The following GHDC variants were observed in gnomAD, a reference collection of about 807,000 sequenced individuals.
The protein encoded by GHDC is GH3 domain-containing protein.
Under a neutral mutation model 51.5 loss-of-function variants are expected in GHDC, and 39 were observed. The observed-to-expected ratio is 0.76, with a 90% CI of 0.59 to 0.99. GHDC has a LOEUF of 0.99. Among genes scored for constraint, GHDC ranks in the 50% least tolerant of loss-of-function variants. GHDC has a pLI of 0.00. For synonymous variants in GHDC, 282 were observed against 305.2 expected, an observed-to-expected ratio of 0.92 and a Z score of 0.79; for missense variants, 610 against 672.8, an observed-to-expected ratio of 0.91 and a Z score of 1.03.
intron 6 of GHDC, 27 bp downstream of exon 6, chr17:42,190,991 G>A: frequency 6.4e-7 from 1 of 1,564,432 alleles, no homozygotes; most frequent in African/African-American, 1.4e-5. Flanking sequence ...TAGGGCCCCA[G>A]GTAGCAGGGG....
In GHDC at chr17:42,192,653, A is replaced by G. The variant is rs1436726543; in HGVS notation, c.477T>C (p.Pro159=). 1.2e-6 allele frequency: 2 copies of G among 1,608,240 alleles called. No homozygotes were observed. The highest frequency in any genetic ancestry group is 1.7e-5 in the Admixed American group (1 of 59,304). Residue 159 remains proline (P), a synonymous_variant, in exon 5 of 10, where the codon CCT becomes CCC. Transcript: ENST00000587427. ...CAGGCCAAGGCAGGGGTCGGGGCCA[A>G]GGGGATGTAAGCGTCACACGGGCAG... ...GRTARVTLTS[P]WPRPLPWPGN... is the part of the protein sequence containing the mutation.
rs2079977807 is a variant in GHDC, at chr17:42,192,557, C to T, written c.573G>A (p.Arg191=). Residue 191 remains arginine (R), a synonymous_variant, in exon 5 of 10, where the codon AGG becomes AGA. Coordinates refer to ENST00000587427, the MANE Select transcript of GHDC (RefSeq NM_032484.5). The part of the protein sequence containing the change: ...DPRALLLDAL[R]SPGLRALEAG... ...CCTCCAGTGCCCTCAGCCCTGGGGA[C>T]CTCAGTGCGTCCAGCAGCAGGGCCC... The T allele has an allele frequency of 2.5e-6, 4 of 1,613,802 alleles. No individual in the cohort carries two copies. The highest frequency in any genetic ancestry group is 3.4e-6 in the Non-Finnish European group (4 of 1,180,036).
chr17:42,190,193 G>A lies in GHDC; in HGVS notation c.1366C>T (p.Arg456Ter), dbSNP rs140351409. The A allele has an allele frequency of 8.6e-5, 138 of 1,613,742 alleles. No individual in the cohort carries two copies. The African/African-American group carries it at 1.6e-3, about 19-fold the overall frequency. The change falls in exon 9 of 10, where the codon CGA (arginine) becomes TGA (stop). Residue 456 changes from arginine to a stop codon, truncating the protein, a stop_gained. Coordinates refer to ENST00000587427, the MANE Select transcript of GHDC (RefSeq NM_032484.5). LOFTEE classifies it high-confidence loss of function. ...GTCCTCGTCTCCTTTACCTTGTCTC[G>A]ATTTTCCTCTGACAGATTCCTCAGC... ...RGLRNLSEENRDKLDHCLQEA... is the reference protein window; with the variant it reads ...RGLRNLSEEN
rs764353985 is a variant in GHDC at position 42,193,398 on chromosome 17, C to T, written c.184G>A (p.Val62Met). Residue 62 changes from valine to methionine, a missense_variant, in exon 3 of 10, where the codon GTG becomes ATG. Around this residue, in one of 2 missense-constraint regions of GHDC, gnomAD observed 198 missense variants for 262.3 expected, o/e 0.75. Coordinates refer to ENST00000587427, the MANE Select transcript of GHDC (RefSeq NM_032484.5). ...AGGGCCTGCTGCTGGCTCTGGTGCA[C>T]ATGGAGCGTGCTCTGCTCCAGCCTC... ...RRRLEQSTLH[V>M]HQSQQQALRW... 6 of 1,592,158 alleles carry T rather than the reference C, an allele frequency of 3.8e-6. No individual in the cohort carries two copies. Among genetic ancestry groups the T allele is most frequent in the Non-Finnish European group, 4.3e-6 (5 of 1,169,672 alleles).
chr17:42,190,569 T>C, intron 8 of GHDC, 55 bp downstream of exon 8: 2 of 1,565,428 alleles, frequency 1.3e-6, no homozygotes, highest in Non-Finnish European at 1.7e-6. Context: ...GCAGGGGAGG[T>C]AGGAGTTGAA....
In GHDC at chr17:42,189,107, T is replaced by C. The variant is rs946547751; in HGVS notation, c.*596A>G. The C allele has an allele frequency of 2.5e-5, 10 of 398,580 alleles. No homozygotes were observed. Among genetic ancestry groups the C allele is most frequent in the Admixed American group, 4.4e-5 (1 of 22,708 alleles). 24.7% of individuals were successfully genotyped at this position (398,580 alleles called of 1,614,324 possible). A position where few individuals can be genotyped will look rare whatever the true frequency, so the allele number is the denominator to read the frequency against. Reference sequence around the variant, plus strand: ...AAGAATCTGGGTGCAAGAGGTTTATTTGGGAGCCATCCCAGGAAGCCCAAG... The same window carrying C: ...AAGAATCTGGGTGCAAGAGGTTTATCTGGGAGCCATCCCAGGAAGCCCAAG... On this transcript the variant is annotated 3_prime_UTR_variant, in exon 10 of 10. Coordinates refer to ENST00000587427, the MANE Select transcript of GHDC (RefSeq NM_032484.5).
At chr17:42,191,425 T>C (rs988275238) in intron 5 of GHDC, among the ~76,000 whole-genome samples, 2 of 151,782 alleles carry the variant, frequency 1.3e-5, no homozygotes, top group Non-Finnish European at 2.9e-5. Flanking sequence ...GGGGCAGACT[T>C]GGGAGTGAAT....
Position 42,192,386 on chromosome 17 carries a change from T to C in GHDC, c.744A>G (p.Pro248=). The change falls in exon 5 of 10, where the codon CCA becomes CCG. Residue 248 remains proline, a synonymous_variant. Transcript: ENST00000587427. ...AELREALEQG[P]RGLALRLWPK... ...GCCAGAGCCGAAGGGCCAGTCCCCGTGGCCCCTGCTCTAGGGCCTCCCGGA... is the reference window on the plus strand; with the variant it reads ...GCCAGAGCCGAAGGGCCAGTCCCCGCGGCCCCTGCTCTAGGGCCTCCCGGA... The C allele has an allele frequency of 6.2e-7, 1 of 1,612,914 alleles. No homozygotes were observed. Among genetic ancestry groups the C allele is most frequent in the Non-Finnish European group, 8.5e-7 (1 of 1,179,928 alleles).
Position 42,191,030 on chromosome 17 carries a change from G to T in GHDC, c.1070C>A (p.Ala357Asp), listed in dbSNP as rs147276919. Residue 357 changes from alanine to aspartate, a missense_variant, in exon 6 of 10, where the codon GCC (alanine) becomes GAC (aspartate). Around this residue, in one of 2 missense-constraint regions of GHDC, gnomAD observed 412 missense variants for 410.4 expected, o/e 1.00. Coordinates refer to ENST00000587427, the MANE Select transcript of GHDC (RefSeq NM_032484.5). ...TGCAGCTGATCACCTGGTGAGGCTG[G>T]CGCGGTCCGTCAGCACCAGCTCATA... ...KEYELVLTDR[A>D]SLTRCRLGDV... is the part of the protein sequence containing the mutation. 10 of 1,579,520 alleles carry T rather than the reference G, an allele frequency of 6.3e-6. No homozygotes were observed. The highest frequency in any genetic ancestry group is 8.6e-6 in the Non-Finnish European group (10 of 1,163,260).
chr17:42,190,933 G>A, intron 6 of GHDC, 30 bp from the exon 7 acceptor site: 1 of 1,592,964 alleles, frequency 6.3e-7, no homozygotes, highest in South Asian at 1.1e-5. Context: ...AGTGAGGTCG[G>A]GCCCAAGGTC....
Position 42,193,589 on chromosome 17 carries a change from C to T in GHDC, c.-8G>A. On this transcript the variant is annotated 5_prime_UTR_variant, in exon 3 of 10. Transcript: ENST00000587427. ...CAGTGGCCACAGCAGCATCTCCAAG[C>T]AGCTCCTGGGAAGAGGAAGGAACCG... 6.5e-7 allele frequency: 1 copy of T among 1,531,378 alleles called. No individual in the cohort carries two copies. The highest frequency in any genetic ancestry group is 8.8e-7 in the Non-Finnish European group (1 of 1,142,262). 94.9% of individuals were successfully genotyped at this position (1,531,378 alleles called of 1,614,324 possible).
chr17:42,192,818 A>G, intron 4 of GHDC, 76 bp from the exon 5 acceptor site: 1 of 1,559,716 alleles, frequency 6.4e-7, no homozygotes, highest in South Asian at 1.2e-5. Flanking sequence ...TTCTTTGCCC[A>G]CCATGACTGG....
chr17:42,189,632 A>G lies in GHDC; in HGVS notation c.*71T>C, dbSNP rs1270878602. 1 of 740,006 alleles carries G rather than the reference A, an allele frequency of 1.4e-6. No homozygotes were observed. Among genetic ancestry groups the G allele is most frequent in the African/African-American group, 1.8e-5 (1 of 55,162 alleles). The allele number at this position is 740,006 out of a possible 1,614,324, so 45.8% of individuals were successfully genotyped here. A position where few individuals can be genotyped will look rare whatever the true frequency, so the allele number is the denominator to read the frequency against. On this transcript the variant is annotated 3_prime_UTR_variant, in exon 10 of 10. Transcript: ENST00000587427. The stretch of plus-strand genomic sequence containing the variant: ...CAGAGACCCTGGCCAAGGACTCCCC[A>G]TCCGGAGAGGTCCCAGAGGGAGGGG...
chr17:42,190,093 C>G, intron 9 of GHDC, 92 bp downstream of exon 9: 1 of 1,489,182 alleles, frequency 6.7e-7, no homozygotes. Flanking sequence ...TCCGCCACCC[C>G]TCTCCTTCCC....
chr17:42,190,432 C>T lies in GHDC; in HGVS notation c.1289-162G>A, dbSNP rs2079959182. The stretch of plus-strand genomic sequence containing the variant: ...ATGGAGAGGAACCTAGAGCTTGATC[C>T]TAAATAGGAGACAGATCAGGAAAGA... On this transcript the variant is annotated intron_variant, in intron 8 of 9. Transcript: ENST00000587427. 7 of 1,491,536 alleles carry T rather than the reference C, an allele frequency of 4.7e-6. No individual in the cohort carries two copies. The South Asian group carries it at 8.9e-5, about 19-fold the overall frequency. 92.4% of individuals were successfully genotyped at this position (1,491,536 alleles called of 1,614,324 possible).
At position 42,189,739 on chromosome 17, in the gene GHDC, G is replaced by A. The variant is rs771894391; in HGVS notation, c.1557C>T (p.His519=). 6 of 1,512,504 alleles carry A rather than the reference G, an allele frequency of 4.0e-6. No homozygotes were observed. The highest frequency in any genetic ancestry group is 2.4e-5 in the East Asian group (1 of 42,538). 93.7% of individuals were successfully genotyped at this position (1,512,504 alleles called of 1,614,324 possible). A position where few individuals can be genotyped will look rare whatever the true frequency, so the allele number is the denominator to read the frequency against. Residue 519 remains histidine (H), a synonymous_variant, in exon 10 of 10, where the codon CAC becomes CAT. Transcript: ENST00000587427. ...CCCTCTCCTGCAGACACTGGGCCAGGTGCCTGTGCCGAAGGACCCGGGGCA... is the reference window on the plus strand; with the variant it reads ...CCCTCTCCTGCAGACACTGGGCCAGATGCCTGTGCCGAAGGACCCGGGGCA... ...PAMPRVLRHR[H]LAQCLQERVV...
rs2079947779 is a variant in GHDC at position 42,189,186 on chromosome 17, T to C, written c.*517A>G. The C allele has an allele frequency of 2.5e-6, 1 of 398,406 alleles. No individual in the cohort carries two copies. Among genetic ancestry groups the C allele is most frequent in the East Asian group, 3.6e-5 (1 of 28,062 alleles). 24.7% of individuals were successfully genotyped at this position (398,406 alleles called of 1,614,324 possible). ...AGAGCCCCCGCAGGAAGTACATGAA[T>C]GAGTGGGTTACTGCTGCGGGCAACT... On this transcript the variant is annotated 3_prime_UTR_variant, in exon 10 of 10. Transcript: ENST00000587427.
Position 42,190,653 on chromosome 17 carries a change from T to C in GHDC, c.1259A>G (p.Asp420Gly), listed in dbSNP as rs2079960664. The C allele has an allele frequency of 6.2e-7, 1 of 1,613,044 alleles. No individual in the cohort carries two copies. The highest frequency in any genetic ancestry group is 1.3e-5 in the African/African-American group (1 of 74,908). Reference protein sequence around the residue: ...VGQWAGAKLLDHGCVESSILD... With the variant: ...VGQWAGAKLLGHGCVESSILD... ...AATGCTGCTCTCCACACAGCCATGG[T>C]CCAGCAGCTTGGCCCCCGCCCACTG... Residue 420 changes from aspartate to glycine, a missense_variant, in exon 8 of 10, where the codon GAC becomes GGC. Around this residue, in one of 2 missense-constraint regions of GHDC, gnomAD observed 412 missense variants for 410.4 expected, o/e 1.00. Coordinates refer to ENST00000587427, the MANE Select transcript of GHDC (RefSeq NM_032484.5).
chr17:42,193,265 C>CT, intron 3 of GHDC, 52 bp downstream of exon 3: 1 of 1,533,562 alleles, frequency 6.5e-7, no homozygotes, highest in Non-Finnish European at 8.8e-7. Flanking sequence ...TCTGACGGTC[C>CT]TGTGGGGTTT....
Sources: allele counts gnomAD v4.1 joint callset (sites outside exome capture counted in the v4.1 genomes callset), GRCh38; gene constraint gnomAD v4.1.1; regional missense constraint gnomAD v4.1.1; transcripts MANE v1.5; gene names NCBI Gene and HGNC (gene_info 2026-07-23, HGNC 2026-07-21).